ESRP1: variants seen among roughly 807,000 people sequenced by gnomAD.
The protein encoded by ESRP1 is RNA-binding motif protein 35A.
Under a neutral mutation model 81.7 loss-of-function variants are expected in ESRP1, and 33 were observed. The ratio of observed to expected loss-of-function variants is 0.40; its 90% CI spans 0.31 to 0.54. The LOEUF (loss-of-function observed/expected upper bound fraction) is 0.54. ESRP1 is among the 20% of genes least tolerant of loss of function. ESRP1 has a pLI of 0.41. For missense variants in ESRP1, 672 were observed against 833.1 expected (o/e 0.81, Z 2.38); for synonymous variants, 320 against 303.3 (o/e 1.06, Z -0.57).
At chr8:94,663,421 T>G (rs1428918930) in intron 6 of ESRP1, among the ~76,000 whole-genome samples, 1 of 152,042 alleles carries the variant, frequency 6.6e-6, no homozygotes, top group Non-Finnish European at 1.5e-5. Flanking sequence ...AAGTTTTGTA[T>G]TTTTAGTAGA....
intron 13 of ESRP1, among the ~76,000 whole-genome samples, chr8:94,683,801 G>A (rs2130686724): frequency 6.6e-6 from 1 of 152,290 alleles, no homozygotes; most frequent in South Asian, 2.1e-4. Context: ...AATGATGTAA[G>A]GGAGAACAAC....
chr8:94,641,698 C>T (rs1433421078), intron 1 of ESRP1: 2 of 715,164 alleles, frequency 2.8e-6, no homozygotes, highest in Non-Finnish European at 4.3e-6. Context: ...GTTCTTTGCC[C>T]GTCGGGGGAC....
intron 6 of ESRP1, among the ~76,000 whole-genome samples, chr8:94,663,715 T>C (rs773283322): frequency 2.0e-5 from 3 of 152,170 alleles, no homozygotes; most frequent in Non-Finnish European, 4.4e-5. Context: ...GAGAGAGACT[T>C]TGAGGCCGAT....
At position 94,706,087 on chromosome 8, in the gene ESRP1, AGT is replaced by A; in HGVS notation, c.*200_*201del. ...TTGGTGGAGTGAAAAAATTTGAGCTAGTGAAGCCAAATCGTAACTTACAGCAA... is the reference window on the plus strand; with the variant it reads ...TTGGTGGAGTGAAAAAATTTGAGCTAGAAGCCAAATCGTAACTTACAGCAA... On this transcript the variant is annotated 3_prime_UTR_variant, in exon 16 of 16. Coordinates refer to ENST00000433389, the MANE Select transcript of ESRP1 (RefSeq NM_017697.4). 1 of 751,540 alleles carries A rather than the reference AGT, an allele frequency of 1.3e-6. No individual in the cohort carries two copies. The highest frequency in any genetic ancestry group is 2.1e-6 in the Non-Finnish European group (1 of 480,052). 46.6% of individuals were successfully genotyped at this position (751,540 alleles called of 1,614,324 possible). A position where few individuals can be genotyped will look rare whatever the true frequency, so the allele number is the denominator to read the frequency against.
chr8:94,705,858 C>A, intron 15 of ESRP1, 67 bp from the exon 16 acceptor site: 1 of 1,338,234 alleles, frequency 7.5e-7, no homozygotes, highest in Non-Finnish European at 1.0e-6. Flanking sequence ...ATTTTTGTGG[C>A]TGCTGAGAAT....
chr8:94,641,779 TG>T (rs1173865907), intron 1 of ESRP1, 176 bp from the exon 2 acceptor site: 35 of 446,774 alleles, frequency 7.8e-5, no homozygotes, highest in Admixed American at 1.3e-4. Context: ...ACCTATCGGG[TG>T]GGGGGTGGGG....
intron 13 of ESRP1, 123 bp from the exon 14 acceptor site, chr8:94,692,554 G>A: frequency 9.7e-7 from 1 of 1,029,054 alleles, no homozygotes; most frequent in Non-Finnish European, 1.4e-6. Context: ...AGGAAAGACA[G>A]CTCTGAGAAG....
intron 2 of ESRP1, 29 bp from the exon 3 acceptor site, chr8:94,643,274 G>T (rs1278553958): frequency 1.4e-6 from 2 of 1,436,752 alleles, no homozygotes; most frequent in East Asian, 2.3e-5. Flanking sequence ...TGCATCAGTT[G>T]CATCCCTATG....
At chr8:94,660,835 C>T (rs1818707852) in intron 4 of ESRP1, among the ~76,000 whole-genome samples, 2 of 151,282 alleles carry the variant, frequency 1.3e-5, no homozygotes, top group South Asian at 2.1e-4. Flanking sequence ...CACAGGCTAC[C>T]GAATCTTTGA....
chr8:94,674,079 A>G (rs1819470210), intron 11 of ESRP1, among the ~76,000 whole-genome samples: 1 of 152,168 alleles, frequency 6.6e-6, no homozygotes, highest in Non-Finnish European at 1.5e-5. Context: ...AAAAAGGCTC[A>G]TTTTCAGCTA....
intron 13 of ESRP1, among the ~76,000 whole-genome samples, chr8:94,687,563 G>A (rs1297377383): frequency 6.6e-6 from 1 of 152,092 alleles, no homozygotes; most frequent in Non-Finnish European, 1.5e-5. Flanking sequence ...ATATATAAAG[G>A]TTCTAATTTC....
At chr8:94,705,696 C>T (rs905692933) in intron 15 of ESRP1, 44 of 506,428 alleles carry the variant, frequency 8.7e-5, no homozygotes, top group East Asian at 3.9e-4. Flanking sequence ...TGGTGCAGAA[C>T]GCCAACTACT....
At chr8:94,662,861 C>G (rs906085245) in intron 6 of ESRP1, among the ~76,000 whole-genome samples, 1 of 152,216 alleles carries the variant, frequency 6.6e-6, no homozygotes, top group African/African-American at 2.4e-5. Flanking sequence ...GCCCGCCTCG[C>G]CTCCCAAAGT....
chr8:94,642,122 G>T (rs1330572010), intron 2 of ESRP1, 38 bp downstream of exon 2: 4 of 1,599,982 alleles, frequency 2.5e-6, no homozygotes, highest in Non-Finnish European at 2.5e-6. Flanking sequence ...CCCAGCCTGG[G>T]CCCAACCCCA....
At chr8:94,702,697 A>G (rs1809885352) in intron 15 of ESRP1, among the ~76,000 whole-genome samples, 1 of 152,056 alleles carries the variant, frequency 6.6e-6, no homozygotes, top group South Asian at 2.1e-4. Context: ...GTTAGCCAGG[A>G]TGGTCTCAAT....
chr8:94,696,087 C>G (rs77144635), intron 14 of ESRP1, among the ~76,000 whole-genome samples: 3,032 of 152,236 alleles, frequency 0.02, 97 homozygotes, highest in African/African-American at 0.068. Context: ...AAAAACTACT[C>G]TTTGTGTCTT....
chr8:94,694,076 C>A (rs1372617008), intron 14 of ESRP1, among the ~76,000 whole-genome samples: 1 of 152,154 alleles, frequency 6.6e-6, no homozygotes, highest in East Asian at 1.9e-4. Flanking sequence ...GAAGATTTTA[C>A]TAAAAGCTTA....
intron 13 of ESRP1, among the ~76,000 whole-genome samples, chr8:94,686,196 T>C (rs1161564777): frequency 1.4e-4 from 21 of 152,238 alleles, no homozygotes; most frequent in Non-Finnish European, 1.6e-4. Context: ...CCCAAAGTGC[T>C]GGGATTACAG....
intron 13 of ESRP1, chr8:94,688,397 G>A (rs1338240133): frequency 7.1e-6 from 2 of 283,140 alleles, no homozygotes; most frequent in African/African-American, 2.3e-5. Context: ...AGATCACAGA[G>A]CTGGGGAAAT....
Sources: gnomAD v4.1 joint callset for allele counts (sites outside exome capture counted in the v4.1 genomes callset) on GRCh38, gnomAD v4.1.1 for gene constraint, MANE v1.5 for transcripts, NCBI Gene and HGNC (gene_info 2026-07-23, HGNC 2026-07-21) for gene names.